FRMPD4: variants seen among roughly 807,000 people sequenced by gnomAD.
FRMPD4 encodes FERM and PDZ domain containing 4, also known as FERM and PDZ domain-containing protein 4.
FRMPD4 carries 22 observed loss-of-function variants against 94.1 expected under a neutral mutation model. That is an observed-to-expected ratio of 0.23 (90% CI 0.17 to 0.33). The LOEUF (loss-of-function observed/expected upper bound fraction) is 0.33. Ranked by LOEUF, FRMPD4 falls within the 10% of genes least tolerant of loss-of-function variation. The pLI is 1.00. For synonymous variants in FRMPD4, 631 were observed against 548.6 expected (o/e 1.15, Z -2.10); for missense variants, 1,111 against 1,339.9 (o/e 0.83, Z 2.67).
intron 1 of FRMPD4, among the ~76,000 whole-genome samples, chrX:12,247,037 T>C (rs1487438954): frequency 9.0e-6 from 1 of 111,483 alleles, no homozygotes; most frequent in Non-Finnish European, 1.9e-5. Flanking sequence ...GTGAGATTTT[T>C]CTTGGATTTT....
intron 1 of FRMPD4, among the ~76,000 whole-genome samples, chrX:12,276,984 A>G (rs7471698): frequency 0.054 from 5,631 of 105,125 alleles, 317 homozygotes; most frequent in African/African-American, 0.14. Flanking sequence ...AGCCGGGCGT[A>G]GTGGCGGGCG....
chrX:12,403,246 T>A (rs1211211910), intron 1 of FRMPD4, among the ~76,000 whole-genome samples: 1 of 111,962 alleles, frequency 8.9e-6, no homozygotes, highest in Non-Finnish European at 1.9e-5. Flanking sequence ...TGCCTGCCTT[T>A]CCTGCCTCCT....
At chrX:12,045,647 G>T (rs1482571481) in intron 3 of FRMPD4, among the ~76,000 whole-genome samples, 1 of 111,123 alleles carries the variant, frequency 9.0e-6, no homozygotes, top group African/African-American at 3.3e-5. Flanking sequence ...CTAGTATGGG[G>T]ATTATTTTTC....
chrX:12,169,232 A>C (rs1452325777), intron 1 of FRMPD4, among the ~76,000 whole-genome samples: 1 of 111,924 alleles, frequency 8.9e-6, no homozygotes, highest in Non-Finnish European at 1.9e-5. Context: ...TACAAAGGAA[A>C]GGGGTAGTGG....
At chrX:12,439,422 A>G (rs1046674821) in intron 1 of FRMPD4, among the ~76,000 whole-genome samples, 11 of 111,502 alleles carry the variant, frequency 9.9e-5, no homozygotes, top group African/African-American at 3.3e-4. Context: ...CTTGACGCTT[A>G]GCAAGACTCA....
At chrX:12,645,837 A>G (rs1421753129) in intron 4 of FRMPD4, among the ~76,000 whole-genome samples, 1 of 112,160 alleles carries the variant, frequency 8.9e-6, no homozygotes, top group Admixed American at 9.5e-5. Flanking sequence ...AGATTTTCGC[A>G]TGCATTTTGG....
chrX:11,898,102 G>A (rs1036637467), intron 3 of FRMPD4, among the ~76,000 whole-genome samples: 1 of 111,565 alleles, frequency 9.0e-6, no homozygotes, highest in African/African-American at 3.3e-5. Flanking sequence ...CAAGGAAGAG[G>A]TCCTCATGAC....
At chrX:12,066,438 G>A (rs1006032922) in intron 3 of FRMPD4, among the ~76,000 whole-genome samples, 26 of 111,704 alleles carry the variant, frequency 2.3e-4, no homozygotes, top group Admixed American at 5.7e-4. Context: ...AGCATGATGC[G>A]CACAGGAACA....
At chrX:12,619,996 G>C (rs183639962) in intron 4 of FRMPD4, among the ~76,000 whole-genome samples, 1 of 112,666 alleles carries the variant, frequency 8.9e-6, no homozygotes, top group Non-Finnish European at 1.9e-5. Context: ...GGATCCTGAA[G>C]TGGCCCCATA....
intron 3 of FRMPD4, among the ~76,000 whole-genome samples, chrX:12,112,109 C>T (rs750254950): frequency 1.8e-5 from 2 of 112,050 alleles, no homozygotes; most frequent in African/African-American, 6.5e-5. Flanking sequence ...TATAAAGACA[C>T]ATGCACACGT....
rs1391150521 is a variant in FRMPD4 at position 12,583,570 on chromosome X, G to C, written c.159-26151G>C. ...AAAACCACGCTCCAGCGCAAGCCAG[G>C]CCTAACCGCACCAGCTGAGCCTCAG... On this transcript the variant is annotated intron_variant, in intron 2 of 16. Transcript: ENST00000675598. 7 of 735,193 alleles carry C rather than the reference G, an allele frequency of 9.5e-6. No individual in the cohort carries two copies. The Admixed American group carries it at 1.1e-4, about 11-fold the overall frequency. 60.6% of individuals were successfully genotyped at this position (735,193 alleles called of 1,213,427 possible). A position where few individuals can be genotyped will look rare whatever the true frequency, so the allele number is the denominator to read the frequency against.
intron 3 of FRMPD4, among the ~76,000 whole-genome samples, chrX:12,012,346 A>G: frequency 8.9e-6 from 1 of 112,087 alleles, no homozygotes; most frequent in Middle Eastern, 4.6e-3. Context: ...TTAAGTATGA[A>G]GTTAGCTGTG....
chrX:12,035,654 G>C (rs1218260251), intron 3 of FRMPD4, among the ~76,000 whole-genome samples: 2 of 111,476 alleles, frequency 1.8e-5, no homozygotes, highest in Non-Finnish European at 3.8e-5. Context: ...TGGTAAAATG[G>C]TACATTTCTC....
At chrX:12,340,514 A>G (rs1205760720) in intron 1 of FRMPD4, among the ~76,000 whole-genome samples, 2 of 111,377 alleles carry the variant, frequency 1.8e-5, no homozygotes, top group Non-Finnish European at 3.8e-5. Context: ...GAGAACCATC[A>G]CAGTTCTGAA....
intron 1 of FRMPD4, among the ~76,000 whole-genome samples, chrX:12,201,329 CCTT>C (rs1003701991): frequency 8.9e-6 from 1 of 112,187 alleles, no homozygotes; most frequent in East Asian, 2.8e-4. Flanking sequence ...TTACAAATCA[CCTT>C]CTCATGTTTT....
Position 12,583,397 on chromosome X carries a change from A to G in FRMPD4, c.159-26324A>G, listed in dbSNP as rs763723896. 1.4e-5 allele frequency: 15 copies of G among 1,072,495 alleles called. No individual in the cohort carries two copies. In the East Asian group the frequency reaches 3.7e-4, roughly 26 times the overall value. The allele number at this position is 1,072,495 out of a possible 1,213,427, so 88.4% of individuals were successfully genotyped here. ...ACGGCCGGTCCAGGGAAGCTCCGCC[A>G]GTACTGGGCACACTCACCGAACATG... is the stretch of plus-strand genomic sequence containing the variant. On this transcript the variant is annotated intron_variant, in intron 2 of 16. Transcript: ENST00000675598.
chrX:12,720,049 G>GGAAAGAAAGAAA (rs199713463), intron 16 of FRMPD4, among the ~76,000 whole-genome samples: 30 of 39,572 alleles, frequency 7.6e-4, no homozygotes, highest in African/African-American at 2.9e-3. Context: ...GGAAAGGAAA[G>GGAAAGAAAGAAA]GAAAGAAAGA....
chrX:12,463,692 G>GTTTTT (rs1235218164), intron 1 of FRMPD4, among the ~76,000 whole-genome samples: 2 of 81,752 alleles, frequency 2.4e-5, no homozygotes, highest in Non-Finnish European at 4.4e-5. Flanking sequence ...TTTTTTTTTT[G>GTTTTT]TTTTTGTTTT....
intron 3 of FRMPD4, among the ~76,000 whole-genome samples, chrX:11,892,273 A>T (rs1365375314): frequency 8.9e-6 from 1 of 112,180 alleles, no homozygotes; most frequent in African/African-American, 3.2e-5. Context: ...GCCTCGGAGC[A>T]TATCTATAGG....
Sources: gnomAD v4.1 joint callset for allele counts (sites outside exome capture counted in the v4.1 genomes callset) on GRCh38, gnomAD v4.1.1 for gene constraint, MANE v1.5 for transcripts, NCBI Gene and HGNC (gene_info 2026-07-23, HGNC 2026-07-21) for gene names.